The following MCTP2 variants were observed in gnomAD, a reference collection of about 807,000 sequenced individuals.
MCTP2 encodes the protein multiple C2 and transmembrane domain-containing protein 2.
MCTP2 carries 132 observed loss-of-function variants against 111.6 expected under a neutral mutation model. The observed-to-expected ratio is 1.18, with a 90% confidence interval of 1.03 to 1.37. The LOEUF is 1.37. Ranked by LOEUF, MCTP2 falls within the 40% of genes most tolerant of loss-of-function variation. The probability of loss-of-function intolerance (pLI) is 0.00; values close to 1 mark genes in which losing one functional copy is unlikely to be tolerated. For missense variants in MCTP2, 1,183 were observed against 1,067.9 expected (o/e 1.11, Z -1.50); for synonymous variants, 395 against 387.7 (o/e 1.02, Z -0.22).
At chr15:94,449,980 A>G (rs535461407) in intron 19 of MCTP2, among the ~76,000 whole-genome samples, 3 of 152,188 alleles carry the variant, frequency 2.0e-5, no homozygotes, top group African/African-American at 7.2e-5. Flanking sequence ...CTAGGTTCCA[A>G]ATATTTTTTT....
In MCTP2 at chr15:94,378,923, A is replaced by C. The variant is rs568680939; in HGVS notation, c.1583-5099A>C. ...CTGAGGATCATTAAGCAGTTGTTGA[A>C]TATATGAACAGGTACATCATACAGC... On this transcript the variant is annotated intron_variant, in intron 12 of 22. Transcript: ENST00000357742. Among the ~76,000 whole-genome samples the C allele has an allele frequency of 9.8e-5, 15 of 152,322 alleles. No individual in the cohort carries two copies. The South Asian group carries it at 3.1e-3, about 32-fold the overall frequency.
intron 4 of MCTP2, among the ~76,000 whole-genome samples, chr15:94,333,819 C>T (rs936164742): frequency 6.6e-6 from 1 of 152,166 alleles, no homozygotes; most frequent in Admixed American, 6.5e-5. Context: ...CTTATGAGGA[C>T]TTAGTGATTT....
At chr15:94,318,906 A>T (rs2076502523) in intron 4 of MCTP2, among the ~76,000 whole-genome samples, 1 of 152,234 alleles carries the variant, frequency 6.6e-6, no homozygotes, top group Admixed American at 6.5e-5. Context: ...TCAAAACATC[A>T]TGTGAGAATT....
intron 1 of MCTP2, among the ~76,000 whole-genome samples, chr15:94,260,531 T>C (rs2073121397): frequency 2.6e-5 from 4 of 152,164 alleles, no homozygotes; most frequent in Admixed American, 2.6e-4. Flanking sequence ...TATTAAGGAC[T>C]TTGAACTTGT....
Position 94,266,626 on chromosome 15 carries a change from G to A in MCTP2, c.-65-31575G>A, listed in dbSNP as rs571112520. Among the ~76,000 whole-genome samples the A allele has an allele frequency of 2.0e-5, 3 of 152,300 alleles. No homozygotes were observed. The East Asian group carries it at 5.8e-4, about 29-fold the overall frequency. ...ACACTCAATTTTGGAGACCATTGCT[G>A]TAGTTGGGCGGTAGGTGAACAGCAG... On this transcript the variant is annotated intron_variant, in intron 1 of 22. Coordinates refer to ENST00000357742, the MANE Select transcript of MCTP2 (RefSeq NM_001385001.1).
At chr15:94,313,333 C>G (rs772735650) in intron 2 of MCTP2, among the ~76,000 whole-genome samples, 6 of 152,194 alleles carry the variant, frequency 3.9e-5, no homozygotes, top group Non-Finnish European at 7.3e-5. Context: ...ATCTGTGCCC[C>G]ATACTAACTA....
intron 14 of MCTP2, among the ~76,000 whole-genome samples, chr15:94,397,156 C>T (rs1277433120): frequency 6.6e-6 from 1 of 152,098 alleles, no homozygotes; most frequent in Non-Finnish European, 1.5e-5. Context: ...AGTTAAGTCC[C>T]AAACATGCAT....
At chr15:94,397,481 C>A (rs764606066) in intron 14 of MCTP2, among the ~76,000 whole-genome samples, 3 of 152,200 alleles carry the variant, frequency 2.0e-5, no homozygotes, top group Non-Finnish European at 2.9e-5. Context: ...TCAACTTTAA[C>A]ATCCACAATT....
rs910394344 is a variant in MCTP2, at chr15:94,480,627, C to T, written c.*1593C>T. The T allele has an allele frequency of 5.9e-5, 9 of 152,230 alleles. No homozygotes were observed. The highest frequency in any genetic ancestry group is 3.8e-4 in the East Asian group (2 of 5,208). 9.4% of individuals were successfully genotyped at this position (152,230 alleles called of 1,614,324 possible). A position where few individuals can be genotyped will look rare whatever the true frequency, so the allele number is the denominator to read the frequency against. ...ACTCAATCTTCTGTGTAAACAATGC[C>T]TCATTGTCTTGCTTCTAACTATCAT... On this transcript the variant is annotated 3_prime_UTR_variant, in exon 23 of 23. Transcript: ENST00000357742.
chr15:94,324,087 C>G (rs1405601842), intron 4 of MCTP2, among the ~76,000 whole-genome samples: 1 of 152,218 alleles, frequency 6.6e-6, no homozygotes. Flanking sequence ...TTAATTCCAA[C>G]TGCTTCATGA....
chr15:94,233,608 A>G (rs893820942), intron 1 of MCTP2, among the ~76,000 whole-genome samples: 1 of 152,096 alleles, frequency 6.6e-6, no homozygotes, highest in Non-Finnish European at 1.5e-5. Context: ...ACACGAATAT[A>G]TATTTTTCCT....
intron 17 of MCTP2, among the ~76,000 whole-genome samples, chr15:94,408,001 C>G (rs1291824365): frequency 1.3e-5 from 2 of 152,160 alleles, no homozygotes; most frequent in African/African-American, 4.8e-5. Flanking sequence ...AAATGCAACA[C>G]TGTTTTGAGA....
intron 1 of MCTP2, among the ~76,000 whole-genome samples, chr15:94,243,846 CAT>C (rs567360175): frequency 1.6e-4 from 23 of 146,764 alleles, no homozygotes; most frequent in East Asian, 1.1e-3. Context: ...TTTATGTACA[CAT>C]ATATGTATAC....
intron 2 of MCTP2, among the ~76,000 whole-genome samples, chr15:94,306,826 T>C (rs985267772): frequency 7.2e-5 from 11 of 152,246 alleles, no homozygotes; most frequent in African/African-American, 2.4e-4. Context: ...TTGAGATATT[T>C]CCAGAAATGG....
chr15:94,283,236 G>T (rs1218634981), intron 1 of MCTP2, among the ~76,000 whole-genome samples: 1 of 152,178 alleles, frequency 6.6e-6, no homozygotes, highest in Non-Finnish European at 1.5e-5. Flanking sequence ...CCTGGGAGAG[G>T]CCAGCAGACA....
intron 17 of MCTP2, among the ~76,000 whole-genome samples, chr15:94,432,725 A>G (rs1197485505): frequency 1.3e-5 from 2 of 152,176 alleles, no homozygotes; most frequent in Non-Finnish European, 2.9e-5. Flanking sequence ...CAACAAAAGC[A>G]ATGTTTTTGA....
chr15:94,272,862 A>G (rs1378908981), intron 1 of MCTP2, among the ~76,000 whole-genome samples: 2 of 152,144 alleles, frequency 1.3e-5, no homozygotes, highest in African/African-American at 2.4e-5. Context: ...TTTCTTGGCA[A>G]TGTCATCCAT....
intron 2 of MCTP2, among the ~76,000 whole-genome samples, chr15:94,306,485 T>C (rs1239123999): frequency 6.6e-6 from 1 of 152,158 alleles, no homozygotes; most frequent in East Asian, 1.9e-4. Flanking sequence ...GAACTGTGGG[T>C]ATAACATGAG....
chr15:94,457,757 G>A (rs1055177516), intron 19 of MCTP2, among the ~76,000 whole-genome samples: 6 of 152,222 alleles, frequency 3.9e-5, no homozygotes, highest in African/African-American at 1.4e-4. Flanking sequence ...AACACTGATA[G>A]GAGAGGAGTA....
Sources: allele counts gnomAD v4.1 joint callset (sites outside exome capture counted in the v4.1 genomes callset), GRCh38; gene constraint gnomAD v4.1.1; transcripts MANE v1.5; gene names NCBI Gene and HGNC (gene_info 2026-07-23, HGNC 2026-07-21).